The following SANBR variants were observed in gnomAD, a reference collection of about 807,000 sequenced individuals.
SANBR encodes SANT and BTB domain regulator of CSR.
Under a neutral mutation model 101.8 loss-of-function variants are expected in SANBR, and 77 were observed. The observed-to-expected ratio is 0.76, with a 90% CI of 0.63 to 0.91. The LOEUF is 0.91. Ranked by LOEUF, SANBR falls within the 40% of genes least tolerant of loss-of-function variation. SANBR has a pLI of 0.00. For missense variants in SANBR, 875 were observed against 853.0 expected, an observed-to-expected ratio of 1.03 and a Z score of -0.32; for synonymous variants, 279 against 274.7, an observed-to-expected ratio of 1.02 and a Z score of -0.15.
intron 20 of SANBR, among the ~76,000 whole-genome samples, chr2:61,120,146 A>G (rs1684262174): frequency 6.6e-6 from 1 of 152,216 alleles, no homozygotes; most frequent in Non-Finnish European, 1.5e-5. Flanking sequence ...CATAATTGCT[A>G]AAAACTAGAA....
At chr2:61,098,001 A>G (rs1173611628) in intron 12 of SANBR, 149 bp downstream of exon 12, 1 of 517,034 alleles carries the variant, frequency 1.9e-6, no homozygotes, top group Non-Finnish European at 3.2e-6. Flanking sequence ...CTTCTTAGAG[A>G]TAATCACTGT....
chr2:61,104,498 A>C (rs1683457404), intron 13 of SANBR, among the ~76,000 whole-genome samples: 1 of 151,968 alleles, frequency 6.6e-6, no homozygotes. Flanking sequence ...AAAAAAAGAA[A>C]AGAGCCCTTG....
chr2:61,077,493 C>G (rs1681855943), intron 6 of SANBR, among the ~76,000 whole-genome samples: 1 of 150,520 alleles, frequency 6.6e-6, no homozygotes, highest in Non-Finnish European at 1.5e-5. Context: ...TCAGATGGTA[C>G]AAAAGCAATA....
intron 12 of SANBR, among the ~76,000 whole-genome samples, chr2:61,099,285 A>G (rs544621067): frequency 2.6e-5 from 4 of 152,358 alleles, no homozygotes; most frequent in South Asian, 2.1e-4. Flanking sequence ...TAGTCAGTGG[A>G]ATCACGTACA....
At chr2:61,098,076 TA>T (rs1375343300) in intron 12 of SANBR, among the ~76,000 whole-genome samples, 261 of 146,898 alleles carry the variant, frequency 1.8e-3, no homozygotes, top group Middle Eastern at 7.1e-3. Flanking sequence ...TATATATATA[TA>T]TTTTTTGGAG....
At chr2:61,111,114 C>T (rs1683809654) in intron 16 of SANBR, among the ~76,000 whole-genome samples, 2 of 152,110 alleles carry the variant, frequency 1.3e-5, no homozygotes, top group East Asian at 1.9e-4. Flanking sequence ...CATGCTGCAG[C>T]CAGGCGCAGT....
chr2:61,104,828 G>A (rs1442955492), intron 13 of SANBR, among the ~76,000 whole-genome samples: 11 of 146,712 alleles, frequency 7.5e-5, no homozygotes, highest in Middle Eastern at 3.9e-3. Flanking sequence ...CAGCACTTTG[G>A]GAGGCCGAGG....
chr2:61,103,968 T>C lies in SANBR; in HGVS notation c.1481T>C (p.Ile494Thr), dbSNP rs1430817431. The C allele has an allele frequency of 6.2e-7, 1 of 1,614,172 alleles. No homozygotes were observed. Among genetic ancestry groups the C allele is most frequent in the Non-Finnish European group, 8.5e-7 (1 of 1,179,998 alleles). Residue 494 changes from isoleucine to threonine, a missense_variant, in exon 13 of 22, where the codon ATT (isoleucine) becomes ACT (threonine). Coordinates refer to ENST00000402291, the MANE Select transcript of SANBR (RefSeq NM_001129993.3). ...LDDLHKYRDV[I>T]VVPFSKDTVS... is the part of the protein sequence containing the mutation. The stretch of plus-strand genomic sequence containing the variant: ...GATTTGCACAAGTACAGAGATGTCA[T>C]TGTTGTGCCTTTTTCAAAAGATACA...
At chr2:61,077,459 C>T (rs1681853209) in intron 6 of SANBR, among the ~76,000 whole-genome samples, 1 of 152,062 alleles carries the variant, frequency 6.6e-6, no homozygotes, top group Non-Finnish European at 1.5e-5. Flanking sequence ...ACCAAGATGT[C>T]ACTTGACTTT....
At chr2:61,100,565 A>G (rs1683234464) in intron 12 of SANBR, among the ~76,000 whole-genome samples, 2 of 152,240 alleles carry the variant, frequency 1.3e-5, no homozygotes, top group African/African-American at 2.4e-5. Context: ...CTCCTCTATT[A>G]TAACAGGAGA....
rs150288611 is a variant in SANBR at position 61,088,454 on chromosome 2, C to T, written c.1074C>T (p.Val358=). ...KINVDRRGNI[V]YIHIRDKTWD... ...ATGTGGATCGACGTGGAAATATTGT[C>T]TATATTCACATAAGGTGTCGTGAAG... The change falls in exon 10 of 22, where the codon GTC becomes GTT. Residue 358 remains valine, a synonymous_variant. Transcript: ENST00000402291. 43 of 1,600,708 alleles carry T rather than the reference C, an allele frequency of 2.7e-5. No homozygotes were observed. The East Asian group carries it at 9.6e-4, about 36-fold the overall frequency.
intron 14 of SANBR, among the ~76,000 whole-genome samples, chr2:61,107,291 T>G (rs1443281480): frequency 1.3e-5 from 2 of 152,238 alleles, no homozygotes; most frequent in East Asian, 3.8e-4. Flanking sequence ...CTGTAAACTT[T>G]TTTTGGCATA....
chr2:61,134,310 G>C (rs1259390703), intron 21 of SANBR: 1 of 1,523,648 alleles, frequency 6.6e-7, no homozygotes, highest in African/African-American at 1.4e-5. Flanking sequence ...ATTATTAGTA[G>C]ACCACATGAA....
chr2:61,091,511 T>C (rs1682755834), intron 10 of SANBR, among the ~76,000 whole-genome samples: 1 of 151,882 alleles, frequency 6.6e-6, no homozygotes, highest in Non-Finnish European at 1.5e-5. Context: ...GGAGAATCGC[T>C]TGAACCCAGC....
intron 17 of SANBR, 55 bp downstream of exon 17, chr2:61,116,125 A>G: frequency 8.1e-7 from 1 of 1,227,262 alleles, no homozygotes; most frequent in Non-Finnish European, 1.2e-6. Flanking sequence ...GCATGTGAGT[A>G]TAGCCAGAAA....
Position 61,088,146 on chromosome 2 carries a change from T to C in SANBR, c.891-13T>C. 1 of 1,527,100 alleles carries C rather than the reference T, an allele frequency of 6.5e-7. No individual in the cohort carries two copies. The highest frequency in any genetic ancestry group is 9.0e-7 in the Non-Finnish European group (1 of 1,114,398). The allele number at this position is 1,527,100 out of a possible 1,614,324, so 94.6% of individuals were successfully genotyped here. A position where few individuals can be genotyped will look rare whatever the true frequency, so the allele number is the denominator to read the frequency against. On this transcript the variant is annotated splice_polypyrimidine_tract_variant and intron_variant, in intron 8 of 21. Coordinates refer to ENST00000402291, the MANE Select transcript of SANBR (RefSeq NM_001129993.3). ...TGTAGAAAATTAATATTTTGGTCAT[T>C]TGTTGTTAATAGCAAACTTTTTTGT...
At chr2:61,104,358 T>C (rs1206518810) in intron 13 of SANBR, among the ~76,000 whole-genome samples, 2 of 151,806 alleles carry the variant, frequency 1.3e-5, no homozygotes, top group African/African-American at 4.8e-5. Context: ...GGTGGGCACC[T>C]GTAGTCCCAG....
chr2:61,118,564 T>G (rs1684189941), intron 20 of SANBR, among the ~76,000 whole-genome samples: 1 of 140,746 alleles, frequency 7.1e-6, no homozygotes, highest in South Asian at 2.2e-4. Context: ...GGTTTTTTGT[T>G]GGTTTTTTTT....
At chr2:61,072,089 C>T (rs541663288) in intron 4 of SANBR, among the ~76,000 whole-genome samples, 2 of 152,064 alleles carry the variant, frequency 1.3e-5, no homozygotes, top group South Asian at 2.1e-4. Context: ...AGACGTGCAC[C>T]ACCGTGCTTG....
Sources: allele counts gnomAD v4.1 joint callset (sites outside exome capture counted in the v4.1 genomes callset), GRCh38; gene constraint gnomAD v4.1.1; transcripts MANE v1.5; gene names NCBI Gene and HGNC (gene_info 2026-07-23, HGNC 2026-07-21).